Variants in HDAC9 observed in about 807,000 individuals in gnomAD.
HDAC9 encodes the protein MEF-2 interacting transcription repressor (MITR) protein.
In HDAC9, 41 loss-of-function variants were observed where a neutral mutation model predicts 139.4. The ratio of observed to expected loss-of-function variants is 0.29; its 90% CI spans 0.23 to 0.38. The LOEUF is 0.38. HDAC9 is among the 10% of genes least tolerant of loss of function. HDAC9 has a pLI of 1.00. For synonymous variants in HDAC9, 517 were observed against 476.2 expected, an observed-to-expected ratio of 1.09 and a Z score of -1.12; for missense variants, 1,147 against 1,297.0, an observed-to-expected ratio of 0.88 and a Z score of 1.78.
intron 13 of HDAC9, among the ~76,000 whole-genome samples, chr7:18,741,837 G>T (rs916653395): frequency 6.6e-6 from 1 of 152,160 alleles, no homozygotes; most frequent in South Asian, 2.1e-4. Flanking sequence ...GTTGATTCCA[G>T]TTCTCATGGA....
At chr7:18,874,727 G>C (rs1444551254) in intron 22 of HDAC9, 131 bp downstream of exon 22, 1 of 619,932 alleles carries the variant, frequency 1.6e-6, no homozygotes, top group Non-Finnish European at 2.9e-6. Context: ...TTCAGGTGGT[G>C]TTTATTGCTC....
At chr7:18,209,992 G>C (rs1057384654) in intron 2 of HDAC9, among the ~76,000 whole-genome samples, 5 of 150,424 alleles carry the variant, frequency 3.3e-5, no homozygotes, top group Non-Finnish European at 7.4e-5. Flanking sequence ...GAGCCACCGC[G>C]CCCGGCCAAG....
chr7:18,244,709 A>C (rs1172553021), intron 2 of HDAC9, among the ~76,000 whole-genome samples: 1 of 152,026 alleles, frequency 6.6e-6, no homozygotes, highest in Admixed American at 6.6e-5. Context: ...GAGGCGGGAG[A>C]ATGGCGTGAA....
chr7:18,391,204 G>A (rs188775909), intron 1 of HDAC9, among the ~76,000 whole-genome samples: 2 of 151,400 alleles, frequency 1.3e-5, no homozygotes, highest in East Asian at 3.9e-4. Context: ...GGCCAACATG[G>A]TGAAACCCCG....
At chr7:18,222,808 C>G (rs1000569965) in intron 2 of HDAC9, among the ~76,000 whole-genome samples, 2 of 152,050 alleles carry the variant, frequency 1.3e-5, no homozygotes, top group East Asian at 1.9e-4. Context: ...GTTTGTTTTG[C>G]TATTTTAATA....
chr7:18,174,820 C>G (rs924278044), intron 2 of HDAC9, among the ~76,000 whole-genome samples: 1 of 152,174 alleles, frequency 6.6e-6, no homozygotes, highest in Non-Finnish European at 1.5e-5. Flanking sequence ...GATCCTTCCT[C>G]TGGAAACTTC....
chr7:18,711,825 C>T (rs1432175583), intron 12 of HDAC9, among the ~76,000 whole-genome samples: 1 of 152,204 alleles, frequency 6.6e-6, no homozygotes, highest in East Asian at 1.9e-4. Flanking sequence ...GGCCTTTTCT[C>T]TTGGAGCTCA....
chr7:18,395,346 T>C (rs904216464), intron 1 of HDAC9, among the ~76,000 whole-genome samples: 1 of 152,144 alleles, frequency 6.6e-6, no homozygotes, highest in Non-Finnish European at 1.5e-5. Flanking sequence ...TGTGTGAAAA[T>C]GCAACATAAA....
intron 1 of HDAC9, among the ~76,000 whole-genome samples, chr7:18,424,240 G>C (rs890643624): frequency 6.6e-6 from 1 of 152,174 alleles, no homozygotes; most frequent in Non-Finnish European, 1.5e-5. Flanking sequence ...CCCTTCACCA[G>C]TGTAGTGAAA....
At chr7:18,220,560 C>T (rs1270895853) in intron 2 of HDAC9, among the ~76,000 whole-genome samples, 1 of 151,996 alleles carries the variant, frequency 6.6e-6, no homozygotes, top group Non-Finnish European at 1.5e-5. Context: ...GTCATAAGCC[C>T]AGGAATAGTA....
chr7:18,445,127 C>G (rs144982214), intron 1 of HDAC9, among the ~76,000 whole-genome samples: 507 of 152,260 alleles, frequency 3.3e-3, no homozygotes, highest in South Asian at 0.011. Flanking sequence ...CAAGAATTCA[C>G]AGCTGCAGAA....
chr7:18,989,102 CATT>C (rs1379708114), intron 25 of HDAC9, among the ~76,000 whole-genome samples: 3 of 141,288 alleles, frequency 2.1e-5, no homozygotes, highest in African/African-American at 8.2e-5. Context: ...TTGATCCTGT[CATT>C]ATGATGTTAG....
At chr7:18,800,145 G>A (rs568521817) in intron 17 of HDAC9, among the ~76,000 whole-genome samples, 1 of 152,272 alleles carries the variant, frequency 6.6e-6, no homozygotes, top group African/African-American at 2.4e-5. Flanking sequence ...CCATCACCAA[G>A]TATTCTATGT....
At chr7:18,112,147 A>G (rs759150509) in intron 1 of HDAC9, among the ~76,000 whole-genome samples, 20 of 152,120 alleles carry the variant, frequency 1.3e-4, no homozygotes, top group Non-Finnish European at 2.6e-4. Context: ...TATGTCTATT[A>G]TTTTCCTGAA....
intron 2 of HDAC9, among the ~76,000 whole-genome samples, chr7:18,573,413 G>T (rs539078939): frequency 1.3e-5 from 2 of 152,332 alleles, no homozygotes; most frequent in African/African-American, 4.8e-5. Context: ...AGGCTATGTT[G>T]TTTGTGTCTA....
chr7:18,714,766 G>T (rs1784583031), intron 12 of HDAC9, among the ~76,000 whole-genome samples: 1 of 152,042 alleles, frequency 6.6e-6, no homozygotes, highest in South Asian at 2.1e-4. Context: ...ATAATTATTT[G>T]TGTGGAACTG....
intron 17 of HDAC9, among the ~76,000 whole-genome samples, chr7:18,817,089 C>T (rs1414854452): frequency 1.3e-5 from 2 of 149,324 alleles, no homozygotes; most frequent in African/African-American, 4.9e-5. Context: ...GGCTGGAGTA[C>T]AGTGGTGCGA....
intron 2 of HDAC9, among the ~76,000 whole-genome samples, chr7:18,531,576 C>A (rs1808959992): frequency 6.6e-6 from 1 of 151,576 alleles, no homozygotes; most frequent in Non-Finnish European, 1.5e-5. Context: ...TAAAGAAAAT[C>A]AAGTTAATGC....
At chr7:18,523,966 C>T (rs1238114245) in intron 2 of HDAC9, among the ~76,000 whole-genome samples, 4 of 142,294 alleles carry the variant, frequency 2.8e-5, no homozygotes, top group South Asian at 2.4e-4. Flanking sequence ...GCAGAATAAG[C>T]GTGGAGCTTG....
Sources: allele counts gnomAD v4.1 joint callset (sites outside exome capture counted in the v4.1 genomes callset), GRCh38; gene constraint gnomAD v4.1.1; transcripts MANE v1.5; gene names NCBI Gene and HGNC (gene_info 2026-07-23, HGNC 2026-07-21).